CCDC175: variants seen among roughly 807,000 people sequenced by gnomAD.
CCDC175 encodes coiled-coil domain containing 175.
CCDC175 carries 100 observed loss-of-function variants against 114.6 expected under a neutral mutation model. The observed-to-expected ratio is 0.87, with a 90% CI of 0.74 to 1.03. The LOEUF (loss-of-function observed/expected upper bound fraction) is 1.03. Ranked by LOEUF, CCDC175 falls within the 50% of genes least tolerant of loss-of-function variation. The pLI, the probability that CCDC175 is intolerant of heterozygous loss-of-function variation, is 0.00. For missense variants in CCDC175, 880 were observed against 917.8 expected (o/e 0.96, Z 0.53); for synonymous variants, 306 against 308.7 (o/e 0.99, Z 0.09).
intron 19 of CCDC175, 87 bp from the exon 20 acceptor site, chr14:59,505,402 C>A: frequency 1.6e-6 from 1 of 619,250 alleles, no homozygotes; most frequent in Non-Finnish European, 2.6e-6. Context: ...TTCTGAGTTG[C>A]CCAAAGAATC....
chr14:59,510,444 C>G (rs774933151), intron 19 of CCDC175: 2 of 498,010 alleles, frequency 4.0e-6, no homozygotes, highest in East Asian at 6.8e-5. Context: ...CTAGAAAATT[C>G]TCTTAGGTGA....
intron 4 of CCDC175, among the ~76,000 whole-genome samples, chr14:59,567,098 T>C (rs1475092510): frequency 6.6e-6 from 1 of 152,240 alleles, no homozygotes; most frequent in African/African-American, 2.4e-5. Context: ...CACTGGTCTA[T>C]AGGAATGTGA....
chr14:59,556,244 T>C lies in CCDC175; in HGVS notation c.954-4808A>G, dbSNP rs539796794. On this transcript the variant is annotated intron_variant, in intron 7 of 19. Transcript: ENST00000537690. ...GGCTACAGTAACCAAAACAGCAAGGTACTGGTACCAAAACAGAGATGTAGA... is the reference window on the plus strand; with the variant it reads ...GGCTACAGTAACCAAAACAGCAAGGCACTGGTACCAAAACAGAGATGTAGA... 2.9e-3 allele frequency among the ~76,000 whole-genome samples: 448 copies of C among 152,292 alleles called. 1 individual carries two copies. Among genetic ancestry groups the C allele is most frequent in the African/African-American group, 0.01 (424 of 41,550 alleles).
At position 59,576,653 on chromosome 14, in the gene CCDC175, G is replaced by C. The variant is rs773032433; in HGVS notation, c.123C>G (p.Val41=). 28 of 1,473,062 alleles carry C rather than the reference G, an allele frequency of 1.9e-5. No homozygotes were observed. The South Asian group carries it at 2.6e-4, about 14-fold the overall frequency. 91.2% of individuals were successfully genotyped at this position (1,473,062 alleles called of 1,614,324 possible). A position where few individuals can be genotyped will look rare whatever the true frequency, so the allele number is the denominator to read the frequency against. ...CTLPSTLGSS[V]AVEALEQLFV... ...ACAGCTGCTCCAGCGCCTCGACCGC[G>C]ACCGAGGAGCCCAGGGTGGAGGGTA... The change falls in exon 1 of 20, where the codon GTC becomes GTG. Residue 41 remains valine, a synonymous_variant. Transcript: ENST00000537690.
Position 59,540,648 on chromosome 14 carries a change from C to CTTTTTTT in CCDC175, c.1355+20_1355+26dup, listed in dbSNP as rs34112354. ...GCTGATAACACAAAACACAAATAAA[C>CTTTTTTT]TTTTTTTTTTTTTTTTTTTTTTTTA... On this transcript the variant is annotated intron_variant, in intron 11 of 19. Coordinates refer to ENST00000537690, the MANE Select transcript of CCDC175 (RefSeq NM_001164399.2). 5.8e-4 allele frequency: 638 copies of CTTTTTTT among 1,100,620 alleles called. 4 individuals are homozygous for CTTTTTTT. The highest frequency in any genetic ancestry group is 1.6e-3 in the South Asian group (95 of 60,276). The allele number at this position is 1,100,620 out of a possible 1,614,324, so 68.2% of individuals were successfully genotyped here. A position where few individuals can be genotyped will look rare whatever the true frequency, so the allele number is the denominator to read the frequency against.
intron 3 of CCDC175, among the ~76,000 whole-genome samples, chr14:59,572,201 G>A (rs1175409726): frequency 6.6e-6 from 1 of 152,194 alleles, no homozygotes; most frequent in Non-Finnish European, 1.5e-5. Context: ...ATTTGCAGAT[G>A]AATGGATAAG....
At chr14:59,540,853 G>A in intron 10 of CCDC175, 107 bp from the exon 11 acceptor site, 1 of 940,070 alleles carries the variant, frequency 1.1e-6, no homozygotes, top group Non-Finnish European at 1.6e-6. Flanking sequence ...GTCTAATTGG[G>A]AGACAAAATA....
Position 59,531,861 on chromosome 14 carries a change from A to C in CCDC175, c.1673T>G (p.Leu558Arg). 1 of 1,328,928 alleles carries C rather than the reference A, an allele frequency of 7.5e-7. No homozygotes were observed. The highest frequency in any genetic ancestry group is 1.0e-6 in the Non-Finnish European group (1 of 962,748). 82.3% of individuals were successfully genotyped at this position (1,328,928 alleles called of 1,614,324 possible). The change falls in exon 14 of 20, where the codon CTA (leucine) becomes CGA (arginine). Residue 558 changes from leucine to arginine, a missense_variant. By Grantham distance (102) the Leu-to-Arg change is moderately radical. Transcript: ENST00000537690. ...CTGAAGTTGTGGAAGATACTCAACT[A>C]GTTCTTCTTCCTTTTCTTTGTTAAT... is the stretch of plus-strand genomic sequence containing the variant. ...TQINKEKEEE[L>R]VEYLPQLQVA...
At position 59,550,582 on chromosome 14, in the gene CCDC175, T is replaced by C. The variant is rs563541677; in HGVS notation, c.1035+773A>G. Among the ~76,000 whole-genome samples, 24 of 152,216 alleles carry C rather than the reference T, an allele frequency of 1.6e-4. No individual in the cohort carries two copies. The South Asian group carries it at 4.8e-3, about 30-fold the overall frequency. On this transcript the variant is annotated intron_variant, in intron 8 of 19. Transcript: ENST00000537690. ...AGATGTATACATAAAGGGGAGTTTA[T>C]TAAGGAGTATTAACTCACACAATCA...
At chr14:59,575,433 T>TG (rs1897055247) in intron 1 of CCDC175, among the ~76,000 whole-genome samples, 1 of 151,998 alleles carries the variant, frequency 6.6e-6, no homozygotes, top group Non-Finnish European at 1.5e-5. Context: ...GGTCTGTCAT[T>TG]GACAGTGACC....
In CCDC175 at chr14:59,533,987, T is replaced by TAAAAAAAAAAA. The variant is rs3084296; in HGVS notation, c.1624-2088_1624-2078dup. ...CTGGGCAACAGGGTGAGACCCCTTT[T>TAAAAAAAAAAA]AAAAAAAAAAAAAAAAAAAGAAACG... On this transcript the variant is annotated intron_variant, in intron 13 of 19. Transcript: ENST00000537690. Among the ~76,000 whole-genome samples the TAAAAAAAAAAA allele has an allele frequency of 7.0e-3, 932 of 133,392 alleles. 6 individuals carry two copies. The highest frequency in any genetic ancestry group is 0.025 in the African/African-American group (893 of 35,660). The allele number at this position is 133,392 out of a possible 152,430, so 87.5% of individuals were successfully genotyped here. A position where few individuals can be genotyped will look rare whatever the true frequency, so the allele number is the denominator to read the frequency against.
chr14:59,525,962 T>C (rs1893710610), intron 15 of CCDC175, among the ~76,000 whole-genome samples: 2 of 152,296 alleles, frequency 1.3e-5, no homozygotes, highest in South Asian at 4.1e-4. Context: ...ATGTTGGTCC[T>C]GGAACCAATC....
At position 59,561,202 on chromosome 14, in the gene CCDC175, T is replaced by A; in HGVS notation, c.870A>T (p.Ile290=). 2.0e-6 allele frequency: 3 copies of A among 1,534,282 alleles called. No homozygotes were observed. The highest frequency in any genetic ancestry group is 2.6e-6 in the Non-Finnish European group (3 of 1,144,596). The change falls in exon 7 of 20, where the codon ATA becomes ATT. Residue 290 remains isoleucine (I), a synonymous_variant. Coordinates refer to ENST00000537690, the MANE Select transcript of CCDC175 (RefSeq NM_001164399.2). ...AAVLSDHNLE[I]ARLHESIRYW... is the part of the protein sequence containing the mutation. ...ACCTTATTGATTCGTGTAGTCGTGC[T>A]ATCTCTAAATTGTGATCACTAAGAA...
At chr14:59,572,860 T>A in intron 2 of CCDC175, 47 bp from the exon 3 acceptor site, 1 of 1,150,288 alleles carries the variant, frequency 8.7e-7, no homozygotes, top group Non-Finnish European at 1.2e-6. Context: ...ACTAAAATAG[T>A]AAGATTGATT....
At chr14:59,525,921 G>A (rs945101479) in intron 15 of CCDC175, among the ~76,000 whole-genome samples, 2 of 152,092 alleles carry the variant, frequency 1.3e-5, no homozygotes, top group Non-Finnish European at 2.9e-5. Flanking sequence ...TGTCATACAA[G>A]GGATTTGAGC....
At chr14:59,511,286 T>C (rs112716995) in intron 18 of CCDC175, among the ~76,000 whole-genome samples, 6,251 of 152,190 alleles carry the variant, frequency 0.041, 165 homozygotes, top group Non-Finnish European at 0.06. Flanking sequence ...AATACTTAAA[T>C]GAGGATTATG....
chr14:59,553,381 G>A (rs1443544404), intron 7 of CCDC175, among the ~76,000 whole-genome samples: 1 of 152,124 alleles, frequency 6.6e-6, no homozygotes, highest in Non-Finnish European at 1.5e-5. Flanking sequence ...ATAAGTGAAG[G>A]AGAAATAAAA....
chr14:59,517,411 T>C (rs150367452), intron 17 of CCDC175, among the ~76,000 whole-genome samples: 6,259 of 152,228 alleles, frequency 0.041, 165 homozygotes, highest in Non-Finnish European at 0.06. Flanking sequence ...TATTGTATAT[T>C]TAGAAAACCC....
At chr14:59,550,006 G>C (rs374321137) in intron 8 of CCDC175, among the ~76,000 whole-genome samples, 1 of 152,052 alleles carries the variant, frequency 6.6e-6, no homozygotes, top group Non-Finnish European at 1.5e-5. Context: ...TGTCTCCCAG[G>C]TTCAAGCAAT....
Sources: gnomAD v4.1 joint callset for allele counts (sites outside exome capture counted in the v4.1 genomes callset) on GRCh38, gnomAD v4.1.1 for gene constraint, MANE v1.5 for transcripts, NCBI Gene and HGNC (gene_info 2026-07-23, HGNC 2026-07-21) for gene names.